The following NLGN1 variants were observed in gnomAD, a reference collection of about 807,000 sequenced individuals.
The protein encoded by NLGN1 is neuroligin-1.
In NLGN1, 12 loss-of-function variants were observed where a neutral mutation model predicts 65.5. That is an observed-to-expected ratio of 0.18 (90% CI 0.12 to 0.30). NLGN1 has a LOEUF of 0.30. Ranked by LOEUF, NLGN1 falls within the 10% of genes least tolerant of loss-of-function variation. The pLI is 1.00. For missense variants in NLGN1, 750 were observed against 1,007.1 expected, an observed-to-expected ratio of 0.74 and a Z score of 3.46; for synonymous variants, 350 against 359.5, an observed-to-expected ratio of 0.97 and a Z score of 0.30.
chr3:173,482,971 A>G (rs1235275266), intron 2 of NLGN1, among the ~76,000 whole-genome samples: 8 of 151,994 alleles, frequency 5.3e-5, no homozygotes, highest in East Asian at 1.9e-4. Flanking sequence ...TAAATGTGTT[A>G]TAGATCTCGT....
At chr3:174,263,703 T>C (rs1375141272) in intron 4 of NLGN1, among the ~76,000 whole-genome samples, 7 of 151,914 alleles carry the variant, frequency 4.6e-5, no homozygotes, top group Non-Finnish European at 7.4e-5. Flanking sequence ...AATATTGTTA[T>C]GTGTGAATTT....
intron 4 of NLGN1, among the ~76,000 whole-genome samples, chr3:174,182,545 G>C (rs1041240847): frequency 6.6e-6 from 1 of 152,112 alleles, no homozygotes; most frequent in Non-Finnish European, 1.5e-5. Flanking sequence ...AGTAGGTCTT[G>C]GGTAAGGCCT....
intron 4 of NLGN1, among the ~76,000 whole-genome samples, chr3:173,953,323 C>G (rs1004588708): frequency 6.6e-6 from 1 of 151,956 alleles, no homozygotes; most frequent in Non-Finnish European, 1.5e-5. Flanking sequence ...AAAAGATGAA[C>G]TTTGTTTAAA....
rs531716228 is a variant in NLGN1, at chr3:174,133,387, A to G, written c.647-141928A>G. On this transcript the variant is annotated intron_variant, in intron 4 of 6. Coordinates refer to ENST00000457714, the Ensembl canonical transcript of NLGN1. ...TTTCAGAAAAAACTCCTCCCATTTA[A>G]TCTTTCCTTCGGGATCCATTCCTCT... is the stretch of plus-strand genomic sequence containing the variant. Among the ~76,000 whole-genome samples the G allele has an allele frequency of 1.2e-3, 184 of 152,232 alleles. 3 individuals are homozygous for G. In the South Asian group the frequency reaches 0.037, roughly 31 times the overall value.
intron 3 of NLGN1, among the ~76,000 whole-genome samples, chr3:173,606,535 C>T (rs1577501622): frequency 6.6e-6 from 1 of 152,064 alleles, no homozygotes; most frequent in East Asian, 1.9e-4. Context: ...TCTCTATGCA[C>T]TTCTAATATC....
intron 2 of NLGN1, among the ~76,000 whole-genome samples, chr3:173,515,506 C>CG (rs1238553811): frequency 6.6e-6 from 1 of 152,056 alleles, no homozygotes; most frequent in Non-Finnish European, 1.5e-5. Context: ...TCCCACTTGT[C>CG]TATTTTTGCT....
At chr3:174,244,626 T>C (rs367925081) in intron 4 of NLGN1, among the ~76,000 whole-genome samples, 1 of 152,186 alleles carries the variant, frequency 6.6e-6, no homozygotes, top group East Asian at 1.9e-4. Flanking sequence ...AAATTGACTA[T>C]TACTACAAAC....
chr3:173,626,226 C>T (rs1469326436), intron 3 of NLGN1, among the ~76,000 whole-genome samples: 2 of 151,874 alleles, frequency 1.3e-5, no homozygotes, highest in African/African-American at 2.4e-5. Flanking sequence ...TAAATAGCTA[C>T]CTATGATTAA....
At chr3:173,773,848 G>T (rs555779815) in intron 3 of NLGN1, among the ~76,000 whole-genome samples, 2 of 152,294 alleles carry the variant, frequency 1.3e-5, no homozygotes, top group African/African-American at 2.4e-5. Flanking sequence ...AGTGACTGAG[G>T]TATGAAATTA....
intron 4 of NLGN1, among the ~76,000 whole-genome samples, chr3:174,178,393 T>C (rs751404668): frequency 6.6e-6 from 1 of 152,132 alleles, no homozygotes; most frequent in African/African-American, 2.4e-5. Flanking sequence ...ATGGAACAGA[T>C]GAAAGTGCCC....
intron 4 of NLGN1, among the ~76,000 whole-genome samples, chr3:174,207,546 G>A (rs1256029341): frequency 6.6e-6 from 1 of 152,190 alleles, no homozygotes; most frequent in Non-Finnish European, 1.5e-5. Flanking sequence ...GAACTGAATG[G>A]ACTTTATGAT....
intron 4 of NLGN1, among the ~76,000 whole-genome samples, chr3:173,936,870 A>AT (rs1404750474): frequency 6.6e-6 from 1 of 152,032 alleles, no homozygotes; most frequent in African/African-American, 2.4e-5. Context: ...CAGTGGTTTT[A>AT]TTGTATCTGT....
At chr3:173,727,047 A>G in intron 3 of NLGN1, among the ~76,000 whole-genome samples, 1 of 152,148 alleles carries the variant, frequency 6.6e-6, no homozygotes, top group East Asian at 1.9e-4. Flanking sequence ...AAAGAAAAAG[A>G]AAAACTTTTA....
chr3:173,604,428 A>T lies in NLGN1; in HGVS notation c.-171A>T. 1.4e-6 allele frequency: 1 copy of T among 694,592 alleles called. No homozygotes were observed. Among genetic ancestry groups the T allele is most frequent in the Non-Finnish European group, 2.5e-6 (1 of 398,406 alleles). The allele number at this position is 694,592 out of a possible 1,614,324, so 43.0% of individuals were successfully genotyped here. A position where few individuals can be genotyped will look rare whatever the true frequency, so the allele number is the denominator to read the frequency against. On this transcript the variant is annotated 5_prime_UTR_variant, in exon 3 of 7. An upstream start codon of the reference 5' UTR is lost. Transcript: ENST00000457714. The stretch of plus-strand genomic sequence containing the variant: ...ATGATTGAAGATGCTGCTCCAATAC[A>T]TGTGAAATCAATGGGAGATATCTGC...
At chr3:173,586,024 G>T (rs901305951) in intron 2 of NLGN1, among the ~76,000 whole-genome samples, 1 of 152,092 alleles carries the variant, frequency 6.6e-6, no homozygotes, top group Non-Finnish European at 1.5e-5. Flanking sequence ...TGGAGTCCAC[G>T]TAGCTTCAGA....
chr3:173,709,224 A>G (rs1224757243), intron 3 of NLGN1, among the ~76,000 whole-genome samples: 1 of 152,184 alleles, frequency 6.6e-6, no homozygotes, highest in African/African-American at 2.4e-5. Context: ...TCTGTTCTGC[A>G]ACATGGTCCT....
Position 174,266,338 on chromosome 3 carries a change from G to A in NLGN1, c.647-8977G>A, listed in dbSNP as rs555664020. Among the ~76,000 whole-genome samples the A allele has an allele frequency of 7.2e-5, 11 of 152,144 alleles. No individual in the cohort carries two copies. In the South Asian group the frequency reaches 1.7e-3, roughly 23 times the overall value. ...GTTTTCTGCTCTTGTGTTAATTTGCGTAGGATAATGGCTTCAAGCTCCATC... is the reference window on the plus strand; with the variant it reads ...GTTTTCTGCTCTTGTGTTAATTTGCATAGGATAATGGCTTCAAGCTCCATC... On this transcript the variant is annotated intron_variant, in intron 4 of 6. Coordinates refer to ENST00000457714, the Ensembl canonical transcript of NLGN1.
intron 3 of NLGN1, among the ~76,000 whole-genome samples, chr3:173,697,635 C>G (rs1766425987): frequency 6.6e-6 from 1 of 152,040 alleles, no homozygotes; most frequent in African/African-American, 2.4e-5. Flanking sequence ...TCAAGTGATT[C>G]TCCTGCCTCA....
At chr3:174,211,303 G>C (rs1736458285) in intron 4 of NLGN1, among the ~76,000 whole-genome samples, 1 of 152,158 alleles carries the variant, frequency 6.6e-6, no homozygotes, top group Non-Finnish European at 1.5e-5. Flanking sequence ...GATTGGTAGA[G>C]CCGAGTGGCC....
Sources: gnomAD v4.1 joint callset for allele counts (sites outside exome capture counted in the v4.1 genomes callset) on GRCh38, gnomAD v4.1.1 for gene constraint, MANE v1.5 for transcripts, NCBI Gene and HGNC (gene_info 2026-07-23, HGNC 2026-07-21) for gene names.